Variants in MAOB observed in about 807,000 individuals in gnomAD.
The protein encoded by MAOB is amine oxidase [flavin-containing] B.
A neutral mutation model predicts 41.9 loss-of-function variants in MAOB; 15 were observed. The ratio of observed to expected loss-of-function variants is 0.36; its 90% confidence interval spans 0.24 to 0.55. The LOEUF is 0.55. Among genes scored for constraint, MAOB ranks in the 20% least tolerant of loss-of-function variants. The pLI, the probability that MAOB is intolerant of heterozygous loss-of-function variation, is 0.86. For missense variants in MAOB, 345 were observed against 398.7 expected (o/e 0.87, Z 1.15); for synonymous variants, 167 against 144.2 (o/e 1.16, Z -1.13).
chrX:43,812,357 A>G (rs2034759266), intron 3 of MAOB, among the ~76,000 whole-genome samples: 1 of 112,204 alleles, frequency 8.9e-6, no homozygotes, highest in African/African-American at 3.2e-5. Context: ...TGGGGTGTAT[A>G]CCCAGCAGTG....
At chrX:43,782,801 G>T (rs2034350768) in intron 8 of MAOB, among the ~76,000 whole-genome samples, 1 of 111,795 alleles carries the variant, frequency 8.9e-6, no homozygotes, top group Non-Finnish European at 1.9e-5. Context: ...CTATGATCAA[G>T]TCGGCTTCCT....
In MAOB at chrX:43,793,651, T is replaced by G. The variant is rs925371795; in HGVS notation, c.769-73A>C. 4.6e-6 allele frequency: 4 copies of G among 875,124 alleles called. No individual in the cohort carries two copies. In the Middle Eastern group the frequency reaches 1.1e-3, roughly 244 times the overall value. The allele number at this position is 875,124 out of a possible 1,213,427, so 72.1% of individuals were successfully genotyped here. A position where few individuals can be genotyped will look rare whatever the true frequency, so the allele number is the denominator to read the frequency against. ...TTTTTTTCCCAATGATTCTCTCTCA[T>G]TCTATCGTTATATTCTTTTCAGTCT... On this transcript the variant is annotated intron_variant, in intron 7 of 14. Transcript: ENST00000378069.
intron 3 of MAOB, among the ~76,000 whole-genome samples, chrX:43,811,843 C>G (rs1243383378): frequency 8.9e-6 from 1 of 111,733 alleles, no homozygotes; most frequent in Non-Finnish European, 1.9e-5. Flanking sequence ...CACAAACAAT[C>G]CAATTATACC....
At chrX:43,804,079 A>G (rs1486658331) in intron 3 of MAOB, among the ~76,000 whole-genome samples, 3 of 111,711 alleles carry the variant, frequency 2.7e-5, no homozygotes, top group Admixed American at 9.5e-5. Flanking sequence ...ATCTGGGAGA[A>G]TTAACCTGTT....
chrX:43,789,034 C>T (rs766126184), intron 8 of MAOB, among the ~76,000 whole-genome samples: 1 of 111,160 alleles, frequency 9.0e-6, no homozygotes, highest in Non-Finnish European at 1.9e-5. Flanking sequence ...GTGTGAGACC[C>T]AAGCCCAAAT....
At chrX:43,844,273 G>T in intron 1 of MAOB, among the ~76,000 whole-genome samples, 1 of 111,742 alleles carries the variant, frequency 8.9e-6, no homozygotes, top group Non-Finnish European at 1.9e-5. Flanking sequence ...GACCCCTTAT[G>T]CATCTGGATT....
At chrX:43,798,763 T>G (rs1270563397) in intron 5 of MAOB, among the ~76,000 whole-genome samples, 4 of 111,855 alleles carry the variant, frequency 3.6e-5, no homozygotes. Flanking sequence ...TGACAATGGT[T>G]GGGATAAATG....
chrX:43,866,776 A>T (rs1019620311), intron 1 of MAOB, among the ~76,000 whole-genome samples: 3 of 112,683 alleles, frequency 2.7e-5, no homozygotes, highest in Non-Finnish European at 5.6e-5. Flanking sequence ...GGCTAGACCG[A>T]ATGATGGGAC....
At chrX:43,847,681 C>T (rs2035217519) in intron 1 of MAOB, among the ~76,000 whole-genome samples, 2 of 112,390 alleles carry the variant, frequency 1.8e-5, no homozygotes, top group African/African-American at 6.5e-5. Flanking sequence ...AAACATTCTA[C>T]TATCTGACTA....
chrX:43,802,151 G>C (rs1353177331), intron 5 of MAOB, 21 bp downstream of exon 5: 1 of 1,164,293 alleles, frequency 8.6e-7, no homozygotes, highest in African/African-American at 1.8e-5. Flanking sequence ...GTAAATGCCT[G>C]TGCCTAATGG....
intron 3 of MAOB, among the ~76,000 whole-genome samples, chrX:43,834,746 G>T (rs944765711): frequency 8.9e-6 from 1 of 112,266 alleles, no homozygotes; most frequent in Non-Finnish European, 1.9e-5. Context: ...ATCCTCATTC[G>T]CATGCATCTT....
intron 3 of MAOB, among the ~76,000 whole-genome samples, chrX:43,837,211 A>G (rs1412703413): frequency 8.9e-6 from 1 of 112,595 alleles, no homozygotes; most frequent in Non-Finnish European, 1.9e-5. Context: ...ATCTACATTT[A>G]AAAAAACAAA....
chrX:43,855,277 T>C (rs767341619), intron 1 of MAOB, among the ~76,000 whole-genome samples: 10 of 112,105 alleles, frequency 8.9e-5, no homozygotes. Context: ...AGCAGATTCT[T>C]CTTCTTTTCT....
At chrX:43,810,242 CAAAAAAAAAAAAA>C (rs143045804) in intron 3 of MAOB, among the ~76,000 whole-genome samples, 1 of 37,684 alleles carries the variant, frequency 2.7e-5, no homozygotes, top group African/African-American at 1.5e-4. Context: ...GACTCTGTCT[CAAAAAAAAAAAAA>C]AAAAAAAAAA....
chrX:43,866,461 C>T (rs1212459461), intron 1 of MAOB, among the ~76,000 whole-genome samples: 1 of 111,975 alleles, frequency 8.9e-6, no homozygotes, highest in Non-Finnish European at 1.9e-5. Flanking sequence ...AAGCCGGACA[C>T]AAAAGGACAC....
At chrX:43,796,362 C>T (rs768025371) in intron 6 of MAOB, among the ~76,000 whole-genome samples, 22 of 111,471 alleles carry the variant, frequency 2.0e-4, no homozygotes, top group African/African-American at 6.2e-4. Context: ...TTGCAGGCTG[C>T]CCATCTTATC....
At chrX:43,823,474 A>G (rs1016825406) in intron 3 of MAOB, among the ~76,000 whole-genome samples, 1 of 110,918 alleles carries the variant, frequency 9.0e-6, no homozygotes, top group Admixed American at 9.6e-5. Context: ...CGCCAGGCCT[A>G]CAGATGCATT....
intron 3 of MAOB, among the ~76,000 whole-genome samples, chrX:43,806,411 C>T (rs956184671): frequency 1.8e-5 from 2 of 111,822 alleles, no homozygotes; most frequent in African/African-American, 6.5e-5. Flanking sequence ...TCTGAAGTTA[C>T]TTTTTTCATT....
At chrX:43,769,231 C>A in intron 13 of MAOB, 76 bp downstream of exon 13, 2 of 1,073,216 alleles carry the variant, frequency 1.9e-6, no homozygotes, top group Non-Finnish European at 1.2e-6. Context: ...GGTCTCCAGG[C>A]TCTCAGATAT....
Sources: allele counts gnomAD v4.1 joint callset (sites outside exome capture counted in the v4.1 genomes callset), GRCh38; gene constraint gnomAD v4.1.1; transcripts MANE v1.5; gene names NCBI Gene and HGNC (gene_info 2026-07-23, HGNC 2026-07-21).